The following FAM8A1 variants were observed in gnomAD, a reference collection of about 807,000 sequenced individuals.
FAM8A1 encodes the protein protein FAM8A1.
A neutral mutation model predicts 38.3 loss-of-function variants in FAM8A1; 18 were observed. The observed-to-expected ratio is 0.47, with a 90% confidence interval of 0.33 to 0.70. The LOEUF (loss-of-function observed/expected upper bound fraction) is 0.70, where lower values mean the gene tolerates loss of function less well. FAM8A1 is among the 30% of genes least tolerant of loss of function. The pLI is 0.03. For missense variants in FAM8A1, 559 were observed against 559.6 expected (o/e 1.00, Z 0.01); for synonymous variants, 246 against 234.4 (o/e 1.05, Z -0.45).
Position 17,600,348 on chromosome 6 carries a change from G to T in FAM8A1, c.-62G>T. 7.5e-7 allele frequency: 1 copy of T among 1,332,314 alleles called. No individual in the cohort carries two copies. Among genetic ancestry groups the T allele is most frequent in the South Asian group, 2.1e-5 (1 of 48,666 alleles). The allele number at this position is 1,332,314 out of a possible 1,614,324, so 82.5% of individuals were successfully genotyped here. A position where few individuals can be genotyped will look rare whatever the true frequency, so the allele number is the denominator to read the frequency against. ...GGTGGTGACGGGGCTGTTGGGGAGG[G>T]GCCATTGGGGGAGGGAAACGGAGCA... is the stretch of plus-strand genomic sequence containing the variant. On this transcript the variant is annotated 5_prime_UTR_variant, in exon 1 of 5. Coordinates refer to ENST00000259963, the MANE Select transcript of FAM8A1 (RefSeq NM_016255.3).
chr6:17,606,982 C>T (rs754917178), intron 4 of FAM8A1, among the ~76,000 whole-genome samples: 7 of 151,860 alleles, frequency 4.6e-5, no homozygotes, highest in Non-Finnish European at 7.4e-5. Context: ...TAGTTATAGC[C>T]GGGCACAGTG....
intron 3 of FAM8A1, 113 bp from the exon 4 acceptor site, chr6:17,605,761 G>A: frequency 9.5e-7 from 1 of 1,049,438 alleles, no homozygotes; most frequent in Non-Finnish European, 1.3e-6. Context: ...AGTATTCTAT[G>A]CAATTCTTTC....
At position 17,600,662 on chromosome 6, in the gene FAM8A1, G is replaced by A; in HGVS notation, c.253G>A (p.Ala85Thr). The A allele has an allele frequency of 1.9e-6, 3 of 1,584,706 alleles. No homozygotes were observed. The highest frequency in any genetic ancestry group is 1.7e-6 in the Non-Finnish European group (2 of 1,169,378). ...KRGEAASGSG[A>T]ELQEQAGCEA... is the part of the protein sequence containing the mutation. ...CGGGGAGGCGGCCTCCGGCTCCGGT[G>A]CAGAGCTGCAGGAGCAGGCGGGCTG... Residue 85 changes from alanine to threonine, a missense_variant, in exon 1 of 5, where the codon GCA becomes ACA. By Grantham distance (58) the Ala-to-Thr change is moderately conservative. Coordinates refer to ENST00000259963, the MANE Select transcript of FAM8A1 (RefSeq NM_016255.3).
At position 17,610,152 on chromosome 6, in the gene FAM8A1, C is replaced by T. The variant is rs947906725; in HGVS notation, c.*1813C>T. On this transcript the variant is annotated 3_prime_UTR_variant, in exon 5 of 5. Transcript: ENST00000259963. Reference sequence around the variant, plus strand: ...GGCACTTTAGTAGTGTATACACTAGCATTAGTTTATACACCACTTTTGCCG... The same window carrying T: ...GGCACTTTAGTAGTGTATACACTAGTATTAGTTTATACACCACTTTTGCCG... 6.6e-6 allele frequency: 1 copy of T among 152,008 alleles called. No individual in the cohort carries two copies. The highest frequency in any genetic ancestry group is 1.5e-5 in the Non-Finnish European group (1 of 67,968). 9.4% of individuals were successfully genotyped at this position (152,008 alleles called of 1,614,324 possible).
intron 3 of FAM8A1, among the ~76,000 whole-genome samples, chr6:17,605,411 C>T (rs539695928): frequency 1.6e-4 from 25 of 152,240 alleles, no homozygotes; most frequent in African/African-American, 4.8e-4. Context: ...CAGCCCAAGA[C>T]GAAAAAGTAA....
chr6:17,609,378 TTAACTC>T lies in FAM8A1; in HGVS notation c.*1043_*1048del, dbSNP rs1024662784. 2 of 144,768 alleles carry T rather than the reference TTAACTC, an allele frequency of 1.4e-5. No homozygotes were observed. The highest frequency in any genetic ancestry group is 5.0e-5 in the African/African-American group (2 of 39,948). The allele number at this position is 144,768 out of a possible 1,614,324, so 9.0% of individuals were successfully genotyped here. A position where few individuals can be genotyped will look rare whatever the true frequency, so the allele number is the denominator to read the frequency against. ...TTAAAAAAATCTTAATATTTCATGA[TTAACTC>T]TAAGTACTATTAATTAATAGCTTGC... On this transcript the variant is annotated 3_prime_UTR_variant, in exon 5 of 5. Coordinates refer to ENST00000259963, the MANE Select transcript of FAM8A1 (RefSeq NM_016255.3).
rs900758802 is a variant in FAM8A1, at chr6:17,610,273, C to T, written c.*1934C>T. 2 of 151,948 alleles carry T rather than the reference C, an allele frequency of 1.3e-5. No individual in the cohort carries two copies. The highest frequency in any genetic ancestry group is 2.4e-5 in the African/African-American group (1 of 41,378). The allele number at this position is 151,948 out of a possible 1,614,324, so 9.4% of individuals were successfully genotyped here. On this transcript the variant is annotated 3_prime_UTR_variant, in exon 5 of 5. Coordinates refer to ENST00000259963, the MANE Select transcript of FAM8A1 (RefSeq NM_016255.3). ...CTCAGATAATTGAATAGTTTGCCATCGAGATTATTTTCATTTATACTATAA... is the reference window on the plus strand; with the variant it reads ...CTCAGATAATTGAATAGTTTGCCATTGAGATTATTTTCATTTATACTATAA...
At chr6:17,608,105 T>C in intron 4 of FAM8A1, 90 bp from the exon 5 acceptor site, 1 of 1,368,094 alleles carries the variant, frequency 7.3e-7, no homozygotes, top group South Asian at 1.3e-5. Flanking sequence ...AATTGTGTTT[T>C]AAATGTCTAT....
At position 17,600,466 on chromosome 6, in the gene FAM8A1, A is replaced by C; in HGVS notation, c.57A>C (p.Gly19=). The stretch of plus-strand genomic sequence containing the variant: ...ACCCTCCCGGGCAGGACGATGGCGG[A>C]GGGGACCACGAGCCCGTCCCTTCCC... The part of the protein sequence containing the change: ...RGHPPGQDDG[G]GDHEPVPSLR... Residue 19 remains glycine, a synonymous_variant, in exon 1 of 5, where the codon GGA becomes GGC. Coordinates refer to ENST00000259963, the MANE Select transcript of FAM8A1 (RefSeq NM_016255.3). 1 of 1,501,106 alleles carries C rather than the reference A, an allele frequency of 6.7e-7. No homozygotes were observed. Among genetic ancestry groups the C allele is most frequent in the South Asian group, 1.3e-5 (1 of 78,602 alleles). The allele number at this position is 1,501,106 out of a possible 1,614,324, so 93.0% of individuals were successfully genotyped here. A position where few individuals can be genotyped will look rare whatever the true frequency, so the allele number is the denominator to read the frequency against.
chr6:17,603,444 G>A (rs1444234496), intron 2 of FAM8A1, among the ~76,000 whole-genome samples: 1 of 152,084 alleles, frequency 6.6e-6, no homozygotes, highest in East Asian at 1.9e-4. Flanking sequence ...CAAATTTCAG[G>A]GTCCTTGCCA....
At chr6:17,605,617 A>G (rs1764042257) in intron 3 of FAM8A1, among the ~76,000 whole-genome samples, 1 of 152,318 alleles carries the variant, frequency 6.6e-6, no homozygotes, top group South Asian at 2.1e-4. Flanking sequence ...GTAAATTGCA[A>G]TGTAGTTTTC....
chr6:17,602,459 C>A, intron 1 of FAM8A1, 131 bp from the exon 2 acceptor site: 1 of 833,574 alleles, frequency 1.2e-6, no homozygotes, highest in Non-Finnish European at 1.8e-6. Context: ...TCAATAGTTG[C>A]TGCACGGTTA....
chr6:17,602,676 A>T lies in FAM8A1; in HGVS notation c.799A>T (p.Ile267Phe), dbSNP rs1280250500. 1 of 1,613,080 alleles carries T rather than the reference A, an allele frequency of 6.2e-7. No individual in the cohort carries two copies. The highest frequency in any genetic ancestry group is 1.3e-5 in the African/African-American group (1 of 74,780). ...FFILFFIKAT[I>F]VLSIMHLSGI... ...TATTCTCTTCTTTATAAAAGCAACCATTGTCTTAAGCATTATGCACCTCAG... is the reference window on the plus strand; with the variant it reads ...TATTCTCTTCTTTATAAAAGCAACCTTTGTCTTAAGCATTATGCACCTCAG... Residue 267 changes from isoleucine (I) to phenylalanine (F), a missense_variant, in exon 2 of 5, where the codon ATT (isoleucine) becomes TTT (phenylalanine). Transcript: ENST00000259963.
chr6:17,600,475 C>A lies in FAM8A1; in HGVS notation c.66C>A (p.His22Gln). The change falls in exon 1 of 5, where the codon CAC becomes CAA. Residue 22 changes from histidine to glutamine, a missense_variant. This residue lies in a region of FAM8A1 where 393 missense variants were observed against 338.9 expected (regional missense o/e 1.16). Coordinates refer to ENST00000259963, the MANE Select transcript of FAM8A1 (RefSeq NM_016255.3). ...PPGQDDGGGD[H>Q]EPVPSLRGPP... ...GGCAGGACGATGGCGGAGGGGACCACGAGCCCGTCCCTTCCCTGAGAGGCC... is the reference window on the plus strand; with the variant it reads ...GGCAGGACGATGGCGGAGGGGACCAAGAGCCCGTCCCTTCCCTGAGAGGCC... 6.6e-7 allele frequency: 1 copy of A among 1,513,454 alleles called. No individual in the cohort carries two copies. 93.8% of individuals were successfully genotyped at this position (1,513,454 alleles called of 1,614,324 possible).
rs770423837 is a variant in FAM8A1 at position 17,605,982 on chromosome 6, G to A, written c.1066G>A (p.Val356Met). 5 of 1,573,064 alleles carry A rather than the reference G, an allele frequency of 3.2e-6. No homozygotes were observed. Reference sequence around the variant, plus strand: ...GCTTATTGCACCAAGTCGGGTTTTAGTGATTCCTTCCTCAAATGTTAGCAT... The same window carrying A: ...GCTTATTGCACCAAGTCGGGTTTTAATGATTCCTTCCTCAAATGTTAGCAT... Reference protein sequence around the residue: ...SVLIAPSRVLVIPSSNVSITT... With the variant: ...SVLIAPSRVLMIPSSNVSITT... The change falls in exon 4 of 5, where the codon GTG becomes ATG. Residue 356 changes from valine (V) to methionine (M), a missense_variant. Coordinates refer to ENST00000259963, the MANE Select transcript of FAM8A1 (RefSeq NM_016255.3).
chr6:17,602,046 G>A (rs1763992452), intron 1 of FAM8A1, among the ~76,000 whole-genome samples: 1 of 152,094 alleles, frequency 6.6e-6, no homozygotes, highest in African/African-American at 2.4e-5. Context: ...AGTGGGGAGG[G>A]TGGGGACAAG....
Position 17,609,838 on chromosome 6 carries a change from T to G in FAM8A1, c.*1499T>G, listed in dbSNP as rs1764113073. On this transcript the variant is annotated 3_prime_UTR_variant, in exon 5 of 5. Transcript: ENST00000259963. Reference sequence around the variant, plus strand: ...ACAGCACATATCTATTATCACTATATTAATTTTCAAAGGTTTTTCTTTGAC... The same window carrying G: ...ACAGCACATATCTATTATCACTATAGTAATTTTCAAAGGTTTTTCTTTGAC... 6.6e-6 allele frequency: 1 copy of G among 152,210 alleles called. No homozygotes were observed. Among genetic ancestry groups the G allele is most frequent in the South Asian group, 2.1e-4 (1 of 4,834 alleles). 9.4% of individuals were successfully genotyped at this position (152,210 alleles called of 1,614,324 possible).
At chr6:17,601,449 C>G (rs1763984862) in intron 1 of FAM8A1, among the ~76,000 whole-genome samples, 1 of 152,194 alleles carries the variant, frequency 6.6e-6, no homozygotes, top group African/African-American at 2.4e-5. Context: ...AAGCTAAATT[C>G]GCAAATGGCA....
In FAM8A1 at chr6:17,609,496, G is replaced by A. The variant is rs1764107501; in HGVS notation, c.*1157G>A. 1 of 152,050 alleles carries A rather than the reference G, an allele frequency of 6.6e-6. No homozygotes were observed. Among genetic ancestry groups the A allele is most frequent in the Non-Finnish European group, 1.5e-5 (1 of 68,002 alleles). The allele number at this position is 152,050 out of a possible 1,614,324, so 9.4% of individuals were successfully genotyped here. ...CCAGACATCATTCTAGGGTCTTTAA[G>A]CTCATTTTGGGTCTGCTAAAGTTTG... is the stretch of plus-strand genomic sequence containing the variant. On this transcript the variant is annotated 3_prime_UTR_variant, in exon 5 of 5. Transcript: ENST00000259963.
Sources: gnomAD v4.1 joint callset for allele counts (sites outside exome capture counted in the v4.1 genomes callset) on GRCh38, gnomAD v4.1.1 for gene constraint, gnomAD v4.1.1 regional missense constraint, MANE v1.5 for transcripts, NCBI Gene and HGNC (gene_info 2026-07-23, HGNC 2026-07-21) for gene names.